The following ROCK1 variants were observed in gnomAD, a reference collection of about 807,000 sequenced individuals.
The protein encoded by ROCK1 is rho-associated protein kinase 1.
In ROCK1, 36 loss-of-function variants were observed where a neutral mutation model predicts 196.8. That is an observed-to-expected ratio of 0.18 (90% CI 0.14 to 0.24). ROCK1 has a LOEUF of 0.24. Among genes scored for constraint, ROCK1 ranks in the 10% least tolerant of loss-of-function variants. ROCK1 has a pLI of 1.00. For synonymous variants in ROCK1, 443 were observed against 515.9 expected (o/e 0.86, Z 1.91); for missense variants, 920 against 1,562.0 (o/e 0.59, Z 6.93).
chr18:21,098,356 A>G (rs999622833), intron 1 of ROCK1, among the ~76,000 whole-genome samples: 3 of 152,226 alleles, frequency 2.0e-5, no homozygotes, highest in African/African-American at 7.2e-5. Context: ...AATGCTGTGG[A>G]GATAAACAGA....
chr18:21,006,513 T>C lies in ROCK1; in HGVS notation c.1723A>G (p.Ile575Val), dbSNP rs1345685674. The C allele has an allele frequency of 1.9e-5, 30 of 1,613,826 alleles. No individual in the cohort carries two copies. Among genetic ancestry groups the C allele is most frequent in the Non-Finnish European group, 2.5e-5 (30 of 1,179,992 alleles). ...RKSHTEMSKS[I>V]SQLESLNREL... ...CTGTTCAGGGACTCTAACTGACTAA[T>C]TGACTTGCTCATCTCTGTGTGACTC... The change falls in exon 16 of 33, where the codon ATT (isoleucine) becomes GTT (valine). Residue 575 changes from isoleucine to valine, a missense_variant. Around this residue, in one of 6 missense-constraint regions of ROCK1, gnomAD observed 520 missense variants for 657.1 expected, o/e 0.79. Transcript: ENST00000399799.
At chr18:21,018,074 C>A (rs886822250) in intron 12 of ROCK1, among the ~76,000 whole-genome samples, 1 of 151,980 alleles carries the variant, frequency 6.6e-6, no homozygotes, top group Non-Finnish European at 1.5e-5. Context: ...AAACTATTTA[C>A]CAATTCAATA....
intron 1 of ROCK1, among the ~76,000 whole-genome samples, chr18:21,081,880 C>G (rs1018526305): frequency 2.6e-5 from 4 of 152,162 alleles, no homozygotes; most frequent in Non-Finnish European, 5.9e-5. Context: ...ATAAACCTCT[C>G]AAGAAAGAAA....
At chr18:21,060,259 A>G (rs2036277463) in intron 2 of ROCK1, among the ~76,000 whole-genome samples, 1 of 152,252 alleles carries the variant, frequency 6.6e-6, no homozygotes. Flanking sequence ...AATGATTTTT[A>G]TATGACACAA....
chr18:21,093,482 T>C (rs188558396), intron 1 of ROCK1, among the ~76,000 whole-genome samples: 1 of 152,170 alleles, frequency 6.6e-6, no homozygotes, highest in African/African-American at 2.4e-5. Flanking sequence ...ATTTTACAGA[T>C]TGAGAAAACT....
intron 32 of ROCK1, 140 bp from the exon 33 acceptor site, chr18:20,951,527 G>A (rs569098273): frequency 1.3e-5 from 7 of 542,706 alleles, no homozygotes; most frequent in African/African-American, 1.2e-4. Context: ...GGAAAACAAG[G>A]AATAGGAAAA....
intron 16 of ROCK1, among the ~76,000 whole-genome samples, chr18:20,997,642 C>T (rs568889984): frequency 1.3e-5 from 2 of 152,250 alleles, no homozygotes; most frequent in African/African-American, 4.8e-5. Context: ...AATGGGACCT[C>T]ATAAATATTT....
At chr18:21,090,868 A>G (rs1327307480) in intron 1 of ROCK1, among the ~76,000 whole-genome samples, 1 of 47,558 alleles carries the variant, frequency 2.1e-5, no homozygotes, top group African/African-American at 3.0e-5. Flanking sequence ...ATCTCAAAGT[A>G]CAATAGATCA....
chr18:20,958,736 C>T (rs2143329571), intron 29 of ROCK1, among the ~76,000 whole-genome samples: 1 of 150,076 alleles, frequency 6.7e-6, no homozygotes, highest in Non-Finnish European at 1.5e-5. Flanking sequence ...ATAACCTAGG[C>T]ACATCCTCCT....
At chr18:21,109,405 C>A (rs938785877) in intron 1 of ROCK1, among the ~76,000 whole-genome samples, 12 of 151,916 alleles carry the variant, frequency 7.9e-5, no homozygotes, top group Non-Finnish European at 1.6e-4. Flanking sequence ...GATCGAAAAG[C>A]AAAATAAAAT....
At chr18:21,067,383 C>CTTTTT (rs373333472) in intron 2 of ROCK1, among the ~76,000 whole-genome samples, 2 of 125,318 alleles carry the variant, frequency 1.6e-5, no homozygotes, top group African/African-American at 2.9e-5. Flanking sequence ...TCTTTTCACT[C>CTTTTT]TTTTTTTTTT....
chr18:21,003,838 C>T (rs1364409137), intron 16 of ROCK1, among the ~76,000 whole-genome samples: 2 of 152,114 alleles, frequency 1.3e-5, no homozygotes, highest in East Asian at 3.8e-4. Context: ...GGTAAGTATA[C>T]ATAATGCAAA....
chr18:20,991,073 A>G, intron 18 of ROCK1, 103 bp downstream of exon 18: 1 of 893,796 alleles, frequency 1.1e-6, no homozygotes, highest in Non-Finnish European at 1.7e-6. Context: ...AATTTATATT[A>G]TACTTTCTAC....
intron 9 of ROCK1, among the ~76,000 whole-genome samples, chr18:21,031,620 A>G (rs565961035): frequency 1.1e-3 from 169 of 150,720 alleles, no homozygotes; most frequent in African/African-American, 3.0e-3. Context: ...AAAAAAAAAA[A>G]AAAAAGAAAA....
intron 5 of ROCK1, among the ~76,000 whole-genome samples, chr18:21,044,579 C>G (rs2036139075): frequency 6.6e-6 from 1 of 152,168 alleles, no homozygotes; most frequent in South Asian, 2.1e-4. Context: ...GGCACAGCAA[C>G]TGCACACAGG....
chr18:21,070,661 A>T (rs1337199089), intron 1 of ROCK1, 48 bp from the exon 2 acceptor site: 1 of 1,190,734 alleles, frequency 8.4e-7, no homozygotes, highest in Non-Finnish European at 1.2e-6. Flanking sequence ...CACATTATAC[A>T]GTCTCCTTTT....
chr18:21,069,569 A>G (rs1470371771), intron 2 of ROCK1, among the ~76,000 whole-genome samples: 1 of 152,034 alleles, frequency 6.6e-6, no homozygotes, highest in Non-Finnish European at 1.5e-5. Flanking sequence ...CTTGCTAGCC[A>G]TTACTTTAAA....
intron 13 of ROCK1, among the ~76,000 whole-genome samples, chr18:21,013,444 G>A (rs568480075): frequency 4.0e-4 from 61 of 152,270 alleles, no homozygotes; most frequent in Middle Eastern, 6.8e-3. Context: ...TCCTTATGTG[G>A]CCCCCACAGA....
intron 27 of ROCK1, among the ~76,000 whole-genome samples, chr18:20,964,806 A>G (rs2035357690): frequency 6.6e-6 from 1 of 152,232 alleles, no homozygotes; most frequent in Non-Finnish European, 1.5e-5. Flanking sequence ...TGAAACCTAA[A>G]TGGATTCCCA....
Sources: allele counts gnomAD v4.1 joint callset (sites outside exome capture counted in the v4.1 genomes callset), GRCh38; gene constraint gnomAD v4.1.1; regional missense constraint gnomAD v4.1.1; transcripts MANE v1.5; gene names NCBI Gene and HGNC (gene_info 2026-07-23, HGNC 2026-07-21).